ATG7: variants seen among roughly 807,000 people sequenced by gnomAD.
ATG7 encodes the protein ubiquitin-like modifier-activating enzyme ATG7.
ATG7 carries 70 observed loss-of-function variants against 82.4 expected under a neutral mutation model. The observed-to-expected ratio is 0.85, with a 90% CI of 0.70 to 1.04. ATG7 has a LOEUF of 1.04. Ranked by LOEUF, ATG7 falls within the 50% of genes least tolerant of loss-of-function variation. The probability of loss-of-function intolerance (pLI) is 0.00; values close to 1 mark genes in which losing one functional copy is unlikely to be tolerated. For synonymous variants in ATG7, 287 were observed against 313.0 expected, an observed-to-expected ratio of 0.92 and a Z score of 0.88; for missense variants, 792 against 864.3, an observed-to-expected ratio of 0.92 and a Z score of 1.05.
At chr3:11,386,068 T>C (rs891242744) in intron 19 of ATG7, among the ~76,000 whole-genome samples, 1 of 152,188 alleles carries the variant, frequency 6.6e-6, no homozygotes, top group African/African-American at 2.4e-5. Flanking sequence ...AGCAGGGTGG[T>C]GTGGAGGGCA....
the ATG7 span, chr3:11,568,614 T>G: frequency 6.4e-7 from 1 of 1,569,536 alleles, no homozygotes; most frequent in Non-Finnish European, 8.7e-7. The surrounding 1 kb of genome is among the most constrained non-coding windows in gnomAD (Gnocchi z 5.9). Context: ...CATTTCCAGC[T>G]CATTTTCCTG....
At chr3:11,492,935 C>T (rs13081460) in intron 20 of ATG7, among the ~76,000 whole-genome samples, 30,414 of 152,170 alleles carry the variant, frequency 0.2, 3,498 homozygotes, top group South Asian at 0.34. Flanking sequence ...CTCTTAGCTC[C>T]GCCGTCCATG....
chr3:11,541,312 A>C (rs566370447), intron 20 of ATG7, among the ~76,000 whole-genome samples: 2 of 152,206 alleles, frequency 1.3e-5, no homozygotes, highest in Non-Finnish European at 2.9e-5. Context: ...TTGTTCCAGC[A>C]ATGTTTGTTG....
rs890115382 is a variant in ATG7 at position 11,369,173 on chromosome 3, GTT to G, written c.1875+4440_1875+4441del. 4.6e-4 allele frequency among the ~76,000 whole-genome samples: 69 copies of G among 151,008 alleles called. 4 individuals carry two copies. The highest frequency in any genetic ancestry group is 1.7e-3 in the African/African-American group (68 of 40,948). Reference sequence around the variant, plus strand: ...GATTTTGAAAAAATCTCTTTACTGTGTTCAGAAATACTTATCTCAGTGTGCTC... The same window carrying G: ...GATTTTGAAAAAATCTCTTTACTGTGCAGAAATACTTATCTCAGTGTGCTC... On this transcript the variant is annotated intron_variant, in intron 18 of 20. Coordinates refer to ENST00000693202, the MANE Select transcript of ATG7 (RefSeq NM_001349232.2).
chr3:11,388,265 G>C (rs2078468540), intron 19 of ATG7, among the ~76,000 whole-genome samples: 1 of 151,814 alleles, frequency 6.6e-6, no homozygotes, highest in Admixed American at 6.6e-5. Context: ...GTAGTCTCTT[G>C]ATCAACTATT....
chr3:11,298,860 G>A lies in ATG7; in HGVS notation c.160+5G>A. The A allele has an allele frequency of 6.2e-7, 1 of 1,613,810 alleles. No individual in the cohort carries two copies. The highest frequency in any genetic ancestry group is 8.5e-7 in the Non-Finnish European group (1 of 1,179,776). On this transcript the variant is annotated splice_donor_5th_base_variant and intron_variant, in intron 4 of 20. Coordinates refer to ENST00000693202, the MANE Select transcript of ATG7 (RefSeq NM_001349232.2). ...TTAAGGGTTATTACTACAATGGTAG[G>A]TGATTGTAAATTTCATTTTCCATCA...
intron 19 of ATG7, among the ~76,000 whole-genome samples, chr3:11,406,497 G>A (rs1576161914): frequency 6.6e-6 from 1 of 152,122 alleles, no homozygotes; most frequent in South Asian, 2.1e-4. Flanking sequence ...TTGTAGAGAT[G>A]ACATCTTGCT....
chr3:11,384,668 A>T (rs1047263065), intron 19 of ATG7, among the ~76,000 whole-genome samples: 4 of 152,138 alleles, frequency 2.6e-5, no homozygotes, highest in Non-Finnish European at 5.9e-5. Context: ...GTTACTTATG[A>T]AGCATGAAAG....
chr3:11,515,937 G>A (rs1378846888), intron 20 of ATG7, among the ~76,000 whole-genome samples: 1 of 151,954 alleles, frequency 6.6e-6, no homozygotes, highest in Non-Finnish European at 1.5e-5. Context: ...TTGATGGTTG[G>A]GTAGTGTGTG....
intron 20 of ATG7, among the ~76,000 whole-genome samples, chr3:11,472,438 G>A (rs1194122157): frequency 6.6e-6 from 1 of 152,144 alleles, no homozygotes; most frequent in African/African-American, 2.4e-5. Context: ...GGTAGAGGAA[G>A]GGGGAACTGT....
chr3:11,471,745 C>CTT lies in ATG7; in HGVS notation c.2079+44834_2079+44835dup, dbSNP rs200590021. Among the ~76,000 whole-genome samples, 430 of 105,672 alleles carry CTT rather than the reference C, an allele frequency of 4.1e-3. 27 individuals carry two copies. The highest frequency in any genetic ancestry group is 0.014 in the African/African-American group (379 of 26,562). The allele number at this position is 105,672 out of a possible 152,430, so 69.3% of individuals were successfully genotyped here. On this transcript the variant is annotated intron_variant, in intron 20 of 20. Transcript: ENST00000693202. ...CTTCATAGATTGGCTTTTTAGATTT[C>CTT]TTTTTTTTTTTTTTTTGAAATGTAG... is the stretch of plus-strand genomic sequence containing the variant.
chr3:11,369,662 T>C (rs1421679193), intron 18 of ATG7, among the ~76,000 whole-genome samples: 1 of 151,176 alleles, frequency 6.6e-6, no homozygotes, highest in Non-Finnish European at 1.5e-5. Context: ...GGGCTTCCTC[T>C]GTGAGGTCCC....
intron 11 of ATG7, among the ~76,000 whole-genome samples, chr3:11,335,674 G>A (rs992774651): frequency 6.6e-6 from 1 of 152,102 alleles, no homozygotes; most frequent in Admixed American, 6.6e-5. Flanking sequence ...TCTATGATAA[G>A]GCTCATGCTT....
At chr3:11,425,243 C>CAA (rs2082267474) in intron 19 of ATG7, among the ~76,000 whole-genome samples, 1 of 152,170 alleles carries the variant, frequency 6.6e-6, no homozygotes, top group African/African-American at 2.4e-5. Flanking sequence ...GGATTACAGG[C>CAA]ATGAGCCATC....
rs555323985 is a variant in ATG7 at position 11,418,967 on chromosome 3, T to C, written c.1957-7837T>C. Among the ~76,000 whole-genome samples the C allele has an allele frequency of 2.7e-3, 408 of 150,934 alleles. 2 individuals carry two copies. The highest frequency in any genetic ancestry group is 9.3e-3 in the African/African-American group (382 of 40,946). ...CAAGAACAGCATGGGAAACTGCCCC[T>C]CCCCCCCGATCCAGTCACCGCCCAC... On this transcript the variant is annotated intron_variant, in intron 19 of 20. Coordinates refer to ENST00000693202, the MANE Select transcript of ATG7 (RefSeq NM_001349232.2).
chr3:11,345,325 C>T (rs569604519), intron 13 of ATG7, among the ~76,000 whole-genome samples: 41 of 152,276 alleles, frequency 2.7e-4, no homozygotes, highest in Middle Eastern at 3.4e-3. Context: ...AGGAGAATGG[C>T]GTGAACCCAG....
intron 18 of ATG7, among the ~76,000 whole-genome samples, chr3:11,376,896 G>A (rs959819446): frequency 5.9e-5 from 9 of 152,024 alleles, no homozygotes; most frequent in Non-Finnish European, 8.8e-5. Context: ...CGACTACCAC[G>A]CCCAGCTAAT....
At position 11,342,375 on chromosome 3, in the gene ATG7, A is replaced by G. The variant is rs917007968; in HGVS notation, c.1125+96A>G. ...ATTGCCTTCCATCTCCCAGCTCCCCATCCCCTCCATCTCTCCCTCCCTTCC... is the reference window on the plus strand; with the variant it reads ...ATTGCCTTCCATCTCCCAGCTCCCCGTCCCCTCCATCTCTCCCTCCCTTCC... On this transcript the variant is annotated intron_variant, in intron 13 of 20. Transcript: ENST00000693202. 160 of 1,385,708 alleles carry G rather than the reference A, an allele frequency of 1.2e-4. No individual in the cohort carries two copies. In the Middle Eastern group the frequency reaches 1.4e-3, roughly 12 times the overall value. The allele number at this position is 1,385,708 out of a possible 1,614,324, so 85.8% of individuals were successfully genotyped here. A position where few individuals can be genotyped will look rare whatever the true frequency, so the allele number is the denominator to read the frequency against.
At chr3:11,445,176 A>C (rs559233557) in intron 20 of ATG7, among the ~76,000 whole-genome samples, 1 of 152,326 alleles carries the variant, frequency 6.6e-6, no homozygotes, top group South Asian at 2.1e-4. Flanking sequence ...CAGAAATACC[A>C]TTTGACCCAG....
Sources: gnomAD v4.1 joint callset for allele counts (sites outside exome capture counted in the v4.1 genomes callset) on GRCh38, gnomAD v4.1.1 for gene constraint, Gnocchi (gnomAD v3.1) non-coding constraint, MANE v1.5 for transcripts, NCBI Gene and HGNC (gene_info 2026-07-23, HGNC 2026-07-21) for gene names.